PLEKHG7: variants seen among roughly 807,000 people sequenced by gnomAD.
PLEKHG7 encodes the protein pleckstrin homology domain-containing family G member 7.
A neutral mutation model predicts 85.2 loss-of-function variants in PLEKHG7; 77 were observed. The observed-to-expected ratio is 0.90, with a 90% CI of 0.75 to 1.09. PLEKHG7 has a LOEUF of 1.09. Ranked by LOEUF, PLEKHG7 falls within the 50% of genes least tolerant of loss-of-function variation. PLEKHG7 has a pLI of 0.00. For missense variants in PLEKHG7, 777 were observed against 804.3 expected, an observed-to-expected ratio of 0.97 and a Z score of 0.41; for synonymous variants, 301 against 302.4, an observed-to-expected ratio of 1.00 and a Z score of 0.05.
chr12:92,712,911 C>A (rs1384909814), intron 3 of PLEKHG7, among the ~76,000 whole-genome samples: 2 of 152,116 alleles, frequency 1.3e-5, no homozygotes, highest in Non-Finnish European at 2.9e-5. Context: ...ACTGGAGGAC[C>A]ACAATGATGT....
chr12:92,754,070 G>A lies in PLEKHG7; in HGVS notation c.1252-20G>A. ...TGGGAGAGGTGATCATTCTGATATG[G>A]CTGCTTTTGCCTTCCCCAGTGGTGT... On this transcript the variant is annotated intron_variant, in intron 10 of 16. Coordinates refer to ENST00000344636, the MANE Select transcript of PLEKHG7 (RefSeq NM_001377329.1). 6.2e-7 allele frequency: 1 copy of A among 1,608,186 alleles called. No homozygotes were observed. The highest frequency in any genetic ancestry group is 8.5e-7 in the Non-Finnish European group (1 of 1,175,714).
intron 7 of PLEKHG7, 22 bp from the exon 8 acceptor site, chr12:92,740,831 G>T: frequency 6.7e-7 from 1 of 1,488,390 alleles, no homozygotes; most frequent in Non-Finnish European, 9.3e-7. Flanking sequence ...AAATTAATGT[G>T]TATATATTTT....
chr12:92,737,745 GAGGGAGGAAGGAAGGA>G (rs1454869894), intron 7 of PLEKHG7, among the ~76,000 whole-genome samples: 2 of 52,764 alleles, frequency 3.8e-5, no homozygotes, highest in Non-Finnish European at 4.8e-5. Flanking sequence ...GGAAGGGAGG[GAGGGAGGAAGGAAGGA>G]AGGAAGGAAG....
chr12:92,730,689 G>A (rs1871964908), intron 4 of PLEKHG7, among the ~76,000 whole-genome samples: 1 of 152,212 alleles, frequency 6.6e-6, no homozygotes, highest in Non-Finnish European at 1.5e-5. Context: ...CAAGGTGCTG[G>A]GATTACAGGC....
chr12:92,714,060 C>T (rs1306428096), intron 3 of PLEKHG7, among the ~76,000 whole-genome samples: 3 of 152,224 alleles, frequency 2.0e-5, no homozygotes, highest in Admixed American at 2.0e-4. Flanking sequence ...TAGGACCCCT[C>T]CTCATGGGTC....
chr12:92,756,976 G>A (rs1872853298), intron 13 of PLEKHG7, among the ~76,000 whole-genome samples: 1 of 152,146 alleles, frequency 6.6e-6, no homozygotes, highest in Non-Finnish European at 1.5e-5. Context: ...GGGCTTGGAG[G>A]GGCAGGAAGG....
At chr12:92,767,242 T>C (rs1391731359) in intron 15 of PLEKHG7, among the ~76,000 whole-genome samples, 1 of 152,234 alleles carries the variant, frequency 6.6e-6, no homozygotes, top group Non-Finnish European at 1.5e-5. Flanking sequence ...AGAGCTATTC[T>C]TGCCTGTATA....
rs765281946 is a variant in PLEKHG7, at chr12:92,707,682, C to T, written c.530+10C>T. On this transcript the variant is annotated intron_variant, in intron 3 of 16. Transcript: ENST00000344636. Reference sequence around the variant, plus strand: ...AATTGCACCCATCCAGGTGTGTATGCATTTATTTTCTCCGGTGCTATGACA... The same window carrying T: ...AATTGCACCCATCCAGGTGTGTATGTATTTATTTTCTCCGGTGCTATGACA... 2 of 1,613,930 alleles carry T rather than the reference C, an allele frequency of 1.2e-6. No homozygotes were observed. The highest frequency in any genetic ancestry group is 1.7e-6 in the Non-Finnish European group (2 of 1,179,908).
rs1363418036 is a variant in PLEKHG7, at chr12:92,759,029, GATA to G, written c.1636+2641_1636+2643del. Among the ~76,000 whole-genome samples, 17 of 152,148 alleles carry G rather than the reference GATA, an allele frequency of 1.1e-4. 1 individual carries two copies. Among genetic ancestry groups the G allele is most frequent in the Non-Finnish European group, 2.4e-4 (16 of 68,016 alleles). On this transcript the variant is annotated intron_variant, in intron 13 of 16. Coordinates refer to ENST00000344636, the MANE Select transcript of PLEKHG7 (RefSeq NM_001377329.1). ...TTTTATAAATGTTATTGCTGCTGCTGATAATGATGATGACAATGAGGATGAAAA... is the reference window on the plus strand; with the variant it reads ...TTTTATAAATGTTATTGCTGCTGCTGATGATGATGACAATGAGGATGAAAA...
At chr12:92,741,711 A>G (rs1002221631) in intron 9 of PLEKHG7, 119 bp downstream of exon 9, 2 of 588,174 alleles carry the variant, frequency 3.4e-6, no homozygotes, top group South Asian at 3.5e-5. Context: ...CCACTCTCCT[A>G]CAAAGGAACT....
intron 13 of PLEKHG7, among the ~76,000 whole-genome samples, chr12:92,759,670 A>G (rs1324979856): frequency 6.6e-6 from 1 of 152,218 alleles, no homozygotes; most frequent in South Asian, 2.1e-4. Flanking sequence ...ACATGCAGAA[A>G]CCCAAAAAGA....
At chr12:92,728,030 C>A (rs1456088257) in intron 3 of PLEKHG7, among the ~76,000 whole-genome samples, 3 of 106,882 alleles carry the variant, frequency 2.8e-5, no homozygotes, top group Admixed American at 1.1e-4. Flanking sequence ...TATATACACA[C>A]CACATTCCAT....
chr12:92,767,327 T>C (rs1211500758), intron 15 of PLEKHG7, among the ~76,000 whole-genome samples: 1 of 152,184 alleles, frequency 6.6e-6, no homozygotes, highest in Non-Finnish European at 1.5e-5. Flanking sequence ...CTTGTACCCA[T>C]ACTACAAACC....
At chr12:92,746,311 C>T (rs538647530) in intron 10 of PLEKHG7, among the ~76,000 whole-genome samples, 48 of 152,314 alleles carry the variant, frequency 3.2e-4, no homozygotes, top group African/African-American at 9.9e-4. Context: ...GCGAGAAGCC[C>T]CTGCCAGAGC....
Position 92,771,020 on chromosome 12 carries a change from T to TGTGC in PLEKHG7, c.*827_*828insGCGT, listed in dbSNP as rs1315583031. The TGTGC allele has an allele frequency of 1.3e-5, 2 of 152,002 alleles. No individual in the cohort carries two copies. Among genetic ancestry groups the TGTGC allele is most frequent in the Non-Finnish European group, 2.9e-5 (2 of 67,988 alleles). 9.4% of individuals were successfully genotyped at this position (152,002 alleles called of 1,614,324 possible). A position where few individuals can be genotyped will look rare whatever the true frequency, so the allele number is the denominator to read the frequency against. On this transcript the variant is annotated 3_prime_UTR_variant, in exon 17 of 17. Transcript: ENST00000344636. ...TGGTGTGTGTGTGTGTGTGTGTGTG[T>TGTGC]GTTAGCACAGTACAGTCACTTAATT...
intron 5 of PLEKHG7, among the ~76,000 whole-genome samples, chr12:92,733,041 CCAAT>C (rs1187036358): frequency 6.6e-6 from 1 of 152,178 alleles, no homozygotes; most frequent in African/African-American, 2.4e-5. Flanking sequence ...CGTGGCCTTG[CCAAT>C]CAGTTTGGCA....
intron 13 of PLEKHG7, 145 bp from the exon 14 acceptor site, chr12:92,761,607 A>AAG: frequency 4.9e-6 from 5 of 1,022,528 alleles, no homozygotes; most frequent in African/African-American, 3.6e-5. Context: ...GAAAGAAAGA[A>AAG]AAAGAAAGAA....
chr12:92,756,487 C>A, intron 13 of PLEKHG7, 96 bp downstream of exon 13: 1 of 972,408 alleles, frequency 1.0e-6, no homozygotes, highest in Non-Finnish European at 1.6e-6. Context: ...TTGTGTTTGC[C>A]TATGTTCCAG....
Position 92,737,377 on chromosome 12 carries a change from G to A in PLEKHG7, c.796-1G>A. The A allele has an allele frequency of 6.6e-7, 1 of 1,507,576 alleles. No individual in the cohort carries two copies. The highest frequency in any genetic ancestry group is 8.8e-7 in the Non-Finnish European group (1 of 1,137,434). The allele number at this position is 1,507,576 out of a possible 1,614,324, so 93.4% of individuals were successfully genotyped here. On this transcript the variant is annotated splice_acceptor_variant, in intron 6 of 16. Coordinates refer to ENST00000344636, the MANE Select transcript of PLEKHG7 (RefSeq NM_001377329.1). LOFTEE classifies it high-confidence loss of function. Reference sequence around the variant, plus strand: ...GTTCTCTCTTTTTCCCTCATGTACAGGATAAGACCTGGGATGAAGTCTTGG... The same window carrying A: ...GTTCTCTCTTTTTCCCTCATGTACAAGATAAGACCTGGGATGAAGTCTTGG...
Sources: gnomAD v4.1 joint callset for allele counts (sites outside exome capture counted in the v4.1 genomes callset) on GRCh38, gnomAD v4.1.1 for gene constraint, MANE v1.5 for transcripts, NCBI Gene and HGNC (gene_info 2026-07-23, HGNC 2026-07-21) for gene names.